Variants in UBASH3B observed in about 807,000 individuals in gnomAD.
UBASH3B encodes the protein ubiquitin-associated and SH3 domain-containing protein B.
In UBASH3B, 37 loss-of-function variants were observed where a neutral mutation model predicts 83.4. The ratio of observed to expected loss-of-function variants is 0.44; its 90% confidence interval spans 0.34 to 0.58. The LOEUF (loss-of-function observed/expected upper bound fraction) is 0.58. UBASH3B is among the 20% of genes least tolerant of loss of function. UBASH3B has a pLI of 0.01. For missense variants in UBASH3B, 657 were observed against 827.2 expected, an observed-to-expected ratio of 0.79 and a Z score of 2.52; for synonymous variants, 304 against 318.3, an observed-to-expected ratio of 0.96 and a Z score of 0.48.
intron 1 of UBASH3B, among the ~76,000 whole-genome samples, chr11:122,736,398 G>A (rs963070638): frequency 1.3e-5 from 2 of 152,034 alleles, no homozygotes; most frequent in African/African-American, 4.8e-5. Context: ...AGAAGTTAAG[G>A]CATGCAGAAG....
At chr11:122,722,787 G>A (rs1860662705) in intron 1 of UBASH3B, among the ~76,000 whole-genome samples, 1 of 151,302 alleles carries the variant, frequency 6.6e-6, no homozygotes, top group Admixed American at 6.6e-5. Context: ...CTCACTGCAA[G>A]CTCTGCCTCC....
chr11:122,700,876 T>C lies in UBASH3B; in HGVS notation c.161+44666T>C, dbSNP rs377732562. Among the ~76,000 whole-genome samples the C allele has an allele frequency of 1.2e-4, 18 of 152,308 alleles. No individual in the cohort carries two copies. The East Asian group carries it at 1.9e-3, about 16-fold the overall frequency. ...TTCTGACAGGTGAGAGAACACTTCA[T>C]GTAGGGTGAACAGTAAACTGTCCCA... On this transcript the variant is annotated intron_variant, in intron 1 of 13. Coordinates refer to ENST00000284273, the MANE Select transcript of UBASH3B (RefSeq NM_032873.5).
intron 1 of UBASH3B, among the ~76,000 whole-genome samples, chr11:122,679,894 G>A (rs1028034123): frequency 1.3e-5 from 2 of 152,064 alleles, no homozygotes; most frequent in Admixed American, 1.3e-4. Flanking sequence ...GCAATGACAC[G>A]ATCTTGGCTC....
At chr11:122,692,581 G>C (rs1192621506) in intron 1 of UBASH3B, among the ~76,000 whole-genome samples, 1 of 152,190 alleles carries the variant, frequency 6.6e-6, no homozygotes, top group African/African-American at 2.4e-5. Flanking sequence ...GGCCCCGTGA[G>C]CCTTCTCAGC....
chr11:122,715,136 G>C (rs113481633), intron 1 of UBASH3B, among the ~76,000 whole-genome samples: 2,146 of 152,124 alleles, frequency 0.014, 47 homozygotes, highest in African/African-American at 0.047. Flanking sequence ...TAGTAGAGAC[G>C]GGGTTTCACC....
At chr11:122,663,880 C>T (rs960981070) in intron 1 of UBASH3B, among the ~76,000 whole-genome samples, 1 of 152,226 alleles carries the variant, frequency 6.6e-6, no homozygotes, top group Non-Finnish European at 1.5e-5. Flanking sequence ...CAGACAATAA[C>T]AGCACTTGTC....
At chr11:122,673,451 A>G (rs563518115) in intron 1 of UBASH3B, among the ~76,000 whole-genome samples, 1 of 152,284 alleles carries the variant, frequency 6.6e-6, no homozygotes, top group African/African-American at 2.4e-5. Flanking sequence ...GATCGAGACC[A>G]TCCTGGCTAA....
intron 1 of UBASH3B, among the ~76,000 whole-genome samples, chr11:122,753,179 C>G (rs1380967310): frequency 6.6e-6 from 1 of 151,142 alleles, no homozygotes; most frequent in African/African-American, 2.4e-5. Context: ...TGCTGTGGCT[C>G]GCGCCTGTAA....
At chr11:122,777,843 C>T (rs911229700) in intron 3 of UBASH3B, among the ~76,000 whole-genome samples, 6 of 152,276 alleles carry the variant, frequency 3.9e-5, no homozygotes, top group African/African-American at 1.4e-4. Context: ...GATTCTCCTG[C>T]CTCAGCCTCC....
intron 1 of UBASH3B, among the ~76,000 whole-genome samples, chr11:122,720,968 A>G (rs771464573): frequency 1.7e-4 from 26 of 152,204 alleles, no homozygotes; most frequent in African/African-American, 2.2e-4. Context: ...TGACTCGGCC[A>G]GGCGCGGTGG....
At chr11:122,701,203 G>A (rs1864036616) in intron 1 of UBASH3B, among the ~76,000 whole-genome samples, 2 of 152,114 alleles carry the variant, frequency 1.3e-5, no homozygotes, top group African/African-American at 4.8e-5. Context: ...TTTCTTGTGA[G>A]GATTTAAGGA....
At chr11:122,783,752 A>C (rs1860898074) in intron 5 of UBASH3B, among the ~76,000 whole-genome samples, 2 of 152,202 alleles carry the variant, frequency 1.3e-5, no homozygotes, top group African/African-American at 4.8e-5. Context: ...CTTTGAGAAC[A>C]GACACACATG....
intron 4 of UBASH3B, among the ~76,000 whole-genome samples, chr11:122,780,072 A>G (rs1377173270): frequency 6.6e-6 from 1 of 152,172 alleles, no homozygotes; most frequent in Admixed American, 6.5e-5. Flanking sequence ...GTAGGTGTTT[A>G]TCTGGGTCTC....
intron 1 of UBASH3B, among the ~76,000 whole-genome samples, chr11:122,714,443 C>T (rs1321440194): frequency 6.6e-6 from 1 of 152,222 alleles, no homozygotes; most frequent in Non-Finnish European, 1.5e-5. Flanking sequence ...AAGAAGAACA[C>T]CTTCTGAACT....
chr11:122,708,685 A>G (rs1591779546), intron 1 of UBASH3B, among the ~76,000 whole-genome samples: 7 of 152,252 alleles, frequency 4.6e-5, no homozygotes, highest in Middle Eastern at 3.4e-3. Context: ...TGCATCCCTC[A>G]AAAAGATCCA....
intron 1 of UBASH3B, among the ~76,000 whole-genome samples, chr11:122,734,660 A>C (rs1036997551): frequency 1.3e-5 from 2 of 152,134 alleles, no homozygotes; most frequent in Non-Finnish European, 2.9e-5. Context: ...CTGGATGAGT[A>C]TTTTAAGATG....
chr11:122,778,668 G>A (rs1860786524), intron 3 of UBASH3B, among the ~76,000 whole-genome samples: 1 of 149,234 alleles, frequency 6.7e-6, no homozygotes, highest in Admixed American at 6.8e-5. Context: ...GCAGTGGCGT[G>A]ATCTTGGCTC....
chr11:122,798,985 T>C lies in UBASH3B; in HGVS notation c.1401T>C (p.Tyr467=). Residue 467 remains tyrosine (Y), a synonymous_variant, in exon 10 of 14, where the codon TAT becomes TAC. Transcript: ENST00000284273. ...GCAATACCATTATCGATCATGTCTA[T>C]TGCTCCCCGTCCCTTCGCTGCGTTC... is the stretch of plus-strand genomic sequence containing the variant. ...LESNTIIDHV[Y]CSPSLRCVQT... 6.2e-7 allele frequency: 1 copy of C among 1,614,134 alleles called. No homozygotes were observed.
chr11:122,777,918 C>T (rs1045326835), intron 3 of UBASH3B, among the ~76,000 whole-genome samples: 9 of 151,946 alleles, frequency 5.9e-5, no homozygotes, highest in East Asian at 5.8e-4. Context: ...TTAGTAGAGA[C>T]GGGGTTTCAC....
Sources: allele counts gnomAD v4.1 joint callset (sites outside exome capture counted in the v4.1 genomes callset), GRCh38; gene constraint gnomAD v4.1.1; transcripts MANE v1.5; gene names NCBI Gene and HGNC (gene_info 2026-07-23, HGNC 2026-07-21).